ATIC: variants seen among roughly 807,000 people sequenced by gnomAD.
ATIC encodes 5-aminoimidazole-4-carboxamide ribonucleotide formyltransferase/IMP cyclohydrolase, also known as bifunctional purine biosynthesis protein ATIC.
In ATIC, 64 loss-of-function variants were observed where a neutral mutation model predicts 72.5. That is an observed-to-expected ratio of 0.88 (90% CI 0.72 to 1.09). The LOEUF (loss-of-function observed/expected upper bound fraction) is 1.09. Among genes scored for constraint, ATIC ranks in the 50% least tolerant of loss-of-function variants. The probability of loss-of-function intolerance (pLI) is 0.00; values close to 1 mark genes in which losing one functional copy is unlikely to be tolerated. For missense variants in ATIC, 787 were observed against 732.4 expected, an observed-to-expected ratio of 1.07 and a Z score of -0.86; for synonymous variants, 281 against 267.1, an observed-to-expected ratio of 1.05 and a Z score of -0.51.
chr2:215,332,329 A>C, intron 7 of ATIC, 53 bp from the exon 8 acceptor site: 3 of 1,612,486 alleles, frequency 1.9e-6, no homozygotes, highest in Non-Finnish European at 2.5e-6. Context: ...GTGTGCATAC[A>C]TCTGACCTTA....
Position 215,312,591 on chromosome 2 carries a change from C to G in ATIC, c.113C>G (p.Ala38Gly), listed in dbSNP as rs1382466632. 1.2e-6 allele frequency: 2 copies of G among 1,614,092 alleles called. No individual in the cohort carries two copies. Among genetic ancestry groups the G allele is most frequent in the Non-Finnish European group, 1.7e-6 (2 of 1,180,036 alleles). ...GLNLVASGGT[A>G]KALRDAGLAV... ...AATCTGGTCGCTTCCGGAGGGACTGCAAAAGCTCTCAGGGATGCTGGTCTG... is the reference window on the plus strand; with the variant it reads ...AATCTGGTCGCTTCCGGAGGGACTGGAAAAGCTCTCAGGGATGCTGGTCTG... The change falls in exon 2 of 16, where the codon GCA becomes GGA. Residue 38 changes from alanine to glycine, a missense_variant. Coordinates refer to ENST00000236959, the MANE Select transcript of ATIC (RefSeq NM_004044.7).
chr2:215,360,045 T>A, the ATIC span, among the ~76,000 whole-genome samples: 1 of 152,184 alleles, frequency 6.6e-6, no homozygotes, highest in African/African-American at 2.4e-5. Context: ...TTCAAGCCAT[T>A]CTCCTACCTC....
At chr2:215,352,847 G>A (rs762274076), downstream of ATIC, among the ~76,000 whole-genome samples, 15 of 137,064 alleles carry the variant, frequency 1.1e-4, no homozygotes, top group Non-Finnish European at 1.7e-4. Flanking sequence ...TCTTGCAGTC[G>A]ATTGACTGAA....
At chr2:215,319,369 C>T (rs1018684189) in intron 3 of ATIC, among the ~76,000 whole-genome samples, 4 of 151,968 alleles carry the variant, frequency 2.6e-5, no homozygotes, top group East Asian at 1.9e-4. Flanking sequence ...GCAACACCCC[C>T]CTTCTCTTTA....
chr2:215,357,190 T>C, the ATIC span, among the ~76,000 whole-genome samples: 9 of 152,182 alleles, frequency 5.9e-5, no homozygotes, highest in Non-Finnish European at 8.8e-5. Flanking sequence ...TGTCCAGCAG[T>C]CTCCTGGCAA....
chr2:215,338,797 C>A lies in ATIC; in HGVS notation c.1117C>A (p.Pro373Thr). Residue 373 changes from proline (P) to threonine (T), a missense_variant, in exon 12 of 16, where the codon CCA becomes ACA. Transcript: ENST00000236959. ...ATTTTAGATGGACCAATCTTACAAACCAGATGAAAATGAAGTTCGAACTCT... is the reference window on the plus strand; with the variant it reads ...ATTTTAGATGGACCAATCTTACAAAACAGATGAAAATGAAGTTCGAACTCT... ...CVLQMDQSYK[P>T]DENEVRTLFG... 2 of 1,613,604 alleles carry A rather than the reference C, an allele frequency of 1.2e-6. No individual in the cohort carries two copies. Among genetic ancestry groups the A allele is most frequent in the South Asian group, 1.1e-5 (1 of 91,060 alleles).
chr2:215,352,998 T>G (rs1351105488), downstream of ATIC, among the ~76,000 whole-genome samples: 1 of 152,232 alleles, frequency 6.6e-6, no homozygotes, highest in Non-Finnish European at 1.5e-5. Flanking sequence ...GTTGAGAATT[T>G]AGAAAAAGGT....
At chr2:215,367,827 C>G in the ATIC span, 1 of 1,611,124 alleles carries the variant, frequency 6.2e-7, no homozygotes. Flanking sequence ...CTTGAGGAGA[C>G]AAACACGGAA....
chr2:215,344,889 C>T lies in ATIC; in HGVS notation c.1320+18C>T. 1.9e-6 allele frequency: 3 copies of T among 1,608,292 alleles called. No homozygotes were observed. Among genetic ancestry groups the T allele is most frequent in the Non-Finnish European group, 2.6e-6 (3 of 1,174,936 alleles). On this transcript the variant is annotated intron_variant, in intron 13 of 15. Transcript: ENST00000236959. ...ACGGGCAGGTAAGTGGGCTGTTGGA[C>T]TCGCCTTCGGGGGACTGTTGTTTTA...
chr2:215,328,718 CTT>C (rs112676407), intron 7 of ATIC, among the ~76,000 whole-genome samples: 27 of 137,574 alleles, frequency 2.0e-4, no homozygotes, highest in Admixed American at 2.2e-4. Flanking sequence ...TGGCAGCTTC[CTT>C]TTTTTTTTTT....
intron 2 of ATIC, among the ~76,000 whole-genome samples, chr2:215,316,384 T>TA (rs2052709538): frequency 6.6e-6 from 1 of 152,142 alleles, no homozygotes; most frequent in Non-Finnish European, 1.5e-5. Flanking sequence ...TGGCTCCCCT[T>TA]AACAGGAGAA....
chr2:215,356,238 T>C, the ATIC span, among the ~76,000 whole-genome samples: 6 of 152,228 alleles, frequency 3.9e-5, no homozygotes, highest in Non-Finnish European at 7.3e-5. Context: ...ATAATGCTTT[T>C]GTGTATATGG....
intron 4 of ATIC, among the ~76,000 whole-genome samples, chr2:215,322,555 C>T (rs971068707): frequency 2.6e-5 from 4 of 151,454 alleles, no homozygotes; most frequent in Non-Finnish European, 4.4e-5. Context: ...TGGTCTTGAA[C>T]TCCTGACCTC....
At chr2:215,335,087 AATATTT>A (rs1278073036) in intron 10 of ATIC, 83 bp downstream of exon 10, 21 of 791,750 alleles carry the variant, frequency 2.7e-5, no homozygotes, top group African/African-American at 3.6e-5. Flanking sequence ...CATAACCTAT[AATATTT>A]ATATTTATAA....
rs781608943 is a variant in ATIC, at chr2:215,326,991, C to T, written c.688+13C>T. On this transcript the variant is annotated intron_variant, in intron 7 of 15. Transcript: ENST00000236959. ...CTTCCCATCACAGGTAAAGCCCGAG[C>T]GTTCTGTGGCATGGTTTGCTGTGCC... is the stretch of plus-strand genomic sequence containing the variant. 1.5e-5 allele frequency: 25 copies of T among 1,614,002 alleles called. No homozygotes were observed. The Middle Eastern group carries it at 8.2e-4, about 53-fold the overall frequency.
intron 1 of ATIC, 135 bp downstream of exon 1, chr2:215,312,296 G>C: frequency 6.9e-7 from 1 of 1,444,862 alleles, no homozygotes; most frequent in Non-Finnish European, 9.2e-7. Context: ...CCCGCTCCCC[G>C]GCCGGGCCGC....
Position 215,327,976 on chromosome 2 carries a change from C to A in ATIC, c.688+998C>A, listed in dbSNP as rs184960215. Among the ~76,000 whole-genome samples the A allele has an allele frequency of 9.4e-4, 143 of 151,530 alleles. 2 individuals are homozygous for A. Among genetic ancestry groups the A allele is most frequent in the African/African-American group, 3.3e-3 (138 of 41,240 alleles). ...GCAGTGGCGCAATCTCTGGTTCAAG[C>A]GATTCTCCTGCCTCAGCCTCCTGAG... On this transcript the variant is annotated intron_variant, in intron 7 of 15. Coordinates refer to ENST00000236959, the MANE Select transcript of ATIC (RefSeq NM_004044.7).
At position 215,346,909 on chromosome 2, in the gene ATIC, A is replaced by G. The variant is rs372351595; in HGVS notation, c.1471A>G (p.Ile491Val). ...GVKRAEISNA[I>V]DQYVTGTIGE... ...GAAGAGAGCAGAAATCTCCAATGCC[A>G]TCGATCAATATGTGACTGGAACCAT... The change falls in exon 14 of 16, where the codon ATC becomes GTC. Residue 491 changes from isoleucine (I) to valine (V), a missense_variant. By Grantham distance (29) the Ile-to-Val change is conservative (BLOSUM62 3). Coordinates refer to ENST00000236959, the MANE Select transcript of ATIC (RefSeq NM_004044.7). 4.5e-5 allele frequency: 73 copies of G among 1,614,108 alleles called. No homozygotes were observed. The highest frequency in any genetic ancestry group is 6.1e-5 in the Non-Finnish European group (72 of 1,180,032).
At chr2:215,314,142 C>T (rs2052684473) in intron 2 of ATIC, among the ~76,000 whole-genome samples, 1 of 152,182 alleles carries the variant, frequency 6.6e-6, no homozygotes, top group South Asian at 2.1e-4. Flanking sequence ...ACCCACTCCT[C>T]ACTTATCTTC....
Sources: allele counts gnomAD v4.1 joint callset (sites outside exome capture counted in the v4.1 genomes callset), GRCh38; gene constraint gnomAD v4.1.1; transcripts MANE v1.5; gene names NCBI Gene and HGNC (gene_info 2026-07-23, HGNC 2026-07-21).